The following HMG20B variants were observed in gnomAD, a reference collection of about 807,000 sequenced individuals.
The protein encoded by HMG20B is SWI/SNF-related matrix-associated actin-dependent regulator of chromatin subfamily E member 1-related.
Under a neutral mutation model 41.6 loss-of-function variants are expected in HMG20B, and 24 were observed. The observed-to-expected ratio is 0.58, with a 90% CI of 0.42 to 0.81. HMG20B has a LOEUF of 0.81. HMG20B is among the 30% of genes least tolerant of loss of function. The pLI is 0.00. For missense variants in HMG20B, 461 were observed against 444.0 expected, an observed-to-expected ratio of 1.04 and a Z score of -0.34; for synonymous variants, 251 against 186.6, an observed-to-expected ratio of 1.34 and a Z score of -2.81.
chr19:3,573,421 C>G (rs1284386327), intron 2 of HMG20B, 74 bp downstream of exon 2: 2 of 1,399,382 alleles, frequency 1.4e-6, no homozygotes, highest in Non-Finnish European at 9.5e-7. Flanking sequence ...ACCCCTGACC[C>G]AGTCCCTCCC....
At chr19:3,576,335 C>A (rs2032161758) in intron 6 of HMG20B, 28 bp downstream of exon 6, 1 of 1,609,050 alleles carries the variant, frequency 6.2e-7, no homozygotes, top group African/African-American at 1.3e-5. Flanking sequence ...TCTCAAAGCA[C>A]CTGGGGGAGA....
chr19:3,576,558 G>C lies in HMG20B; in HGVS notation c.525G>C (p.Gly175=). 5.6e-6 allele frequency: 9 copies of C among 1,613,072 alleles called. No individual in the cohort carries two copies. Among genetic ancestry groups the C allele is most frequent in the Non-Finnish European group, 7.6e-6 (9 of 1,179,458 alleles). ...MNTLLNGHKG[G]DCDGFSTFDV... is the part of the protein sequence containing the mutation. Reference sequence around the variant, plus strand: ...ACCTTGTCCCTTCGTCTTAGGGTGGGGACTGCGATGGCTTCTCCACCTTCG... The same window carrying C: ...ACCTTGTCCCTTCGTCTTAGGGTGGCGACTGCGATGGCTTCTCCACCTTCG... The change falls in exon 7 of 10, where the codon GGG becomes GGC. Residue 175 remains glycine, a synonymous_variant. Coordinates refer to ENST00000333651, the MANE Select transcript of HMG20B (RefSeq NM_006339.3).
At chr19:3,576,745 G>C (rs866198078) in intron 7 of HMG20B, 120 bp downstream of exon 7, 2 of 1,256,166 alleles carry the variant, frequency 1.6e-6, no homozygotes, top group Middle Eastern at 4.7e-4. Context: ...TGAGCGTCCA[G>C]GCGCACGCTG....
At chr19:3,577,945 C>A in intron 8 of HMG20B, 36 bp from the exon 9 acceptor site, 1 of 1,542,404 alleles carries the variant, frequency 6.5e-7, no homozygotes, top group Non-Finnish European at 8.7e-7. Context: ...CGCGACTCCC[C>A]GGCACCCTCG....
chr19:3,573,462 G>C (rs895012062), intron 2 of HMG20B, 115 bp downstream of exon 2: 3 of 1,175,806 alleles, frequency 2.6e-6, no homozygotes, highest in African/African-American at 1.6e-5. Context: ...ACCTGGGTCA[G>C]GGGGCTTCTC....
intron 7 of HMG20B, 101 bp from the exon 8 acceptor site, chr19:3,576,791 G>C (rs1422233475): frequency 5.2e-6 from 7 of 1,354,424 alleles, no homozygotes; most frequent in Non-Finnish European, 7.2e-6. Flanking sequence ...GGAGGCAGAG[G>C]GCGCAGTGAG....
chr19:3,575,942 TCAAAA>T (rs2032150641), intron 5 of HMG20B: 1 of 275,508 alleles, frequency 3.6e-6, no homozygotes, highest in African/African-American at 4.0e-5. Context: ...AGACTCCGTC[TCAAAA>T]AAAAAAAAAA....
Position 3,576,546 on chromosome 19 carries a change from G to T in HMG20B, c.520-7G>T. 1 of 1,612,058 alleles carries T rather than the reference G, an allele frequency of 6.2e-7. No individual in the cohort carries two copies. The highest frequency in any genetic ancestry group is 8.5e-7 in the Non-Finnish European group (1 of 1,178,868). ...CAGTAAATTGCCACCTTGTCCCTTC[G>T]TCTTAGGGTGGGGACTGCGATGGCT... On this transcript the variant is annotated splice_polypyrimidine_tract_variant and splice_region_variant and intron_variant, in intron 6 of 9. Transcript: ENST00000333651.
Position 3,578,578 on chromosome 19 carries a change from C to A in HMG20B, c.*57C>A. 6.4e-7 allele frequency: 1 copy of A among 1,551,536 alleles called. No homozygotes were observed. Among genetic ancestry groups the A allele is most frequent in the South Asian group, 1.2e-5 (1 of 84,130 alleles). On this transcript the variant is annotated 3_prime_UTR_variant, in exon 10 of 10. Transcript: ENST00000333651. Reference sequence around the variant, plus strand: ...GCTGTGGGCGCGGCCCTGCCACACCCCACCCCGTGGACGAGAGGCTGGGGG... The same window carrying A: ...GCTGTGGGCGCGGCCCTGCCACACCACACCCCGTGGACGAGAGGCTGGGGG...
chr19:3,573,449 C>T (rs928089105), intron 2 of HMG20B, 102 bp downstream of exon 2: 14 of 1,259,436 alleles, frequency 1.1e-5, no homozygotes, highest in African/African-American at 4.7e-5. Flanking sequence ...TCTTGACTCC[C>T]CCACCTGGGT....
chr19:3,576,333 C>T (rs1273333889), intron 6 of HMG20B, 26 bp downstream of exon 6: 7 of 1,609,654 alleles, frequency 4.3e-6, no homozygotes, highest in South Asian at 1.1e-5. Flanking sequence ...CCTCTCAAAG[C>T]ACCTGGGGGA....
In HMG20B at chr19:3,573,685, G is replaced by C; in HGVS notation, c.39-7G>C. 6.7e-7 allele frequency: 1 copy of C among 1,500,080 alleles called. No homozygotes were observed. Among genetic ancestry groups the C allele is most frequent in the Non-Finnish European group, 8.9e-7 (1 of 1,129,646 alleles). 92.9% of individuals were successfully genotyped at this position (1,500,080 alleles called of 1,614,324 possible). A position where few individuals can be genotyped will look rare whatever the true frequency, so the allele number is the denominator to read the frequency against. ...GACGGGGCTGACCGCGGTATCCTTG[G>C]CTCCAGGCCGGCGGGCGGCAAGGCT... On this transcript the variant is annotated splice_polypyrimidine_tract_variant and splice_region_variant and intron_variant, in intron 2 of 9. Transcript: ENST00000333651.
chr19:3,578,660 A>C lies in HMG20B; in HGVS notation c.*139A>C. The C allele has an allele frequency of 8.8e-7, 1 of 1,130,404 alleles. No individual in the cohort carries two copies. Among genetic ancestry groups the C allele is most frequent in the Non-Finnish European group, 1.3e-6 (1 of 765,398 alleles). The allele number at this position is 1,130,404 out of a possible 1,614,324, so 70.0% of individuals were successfully genotyped here. On this transcript the variant is annotated 3_prime_UTR_variant, in exon 10 of 10. Coordinates refer to ENST00000333651, the MANE Select transcript of HMG20B (RefSeq NM_006339.3). Reference sequence around the variant, plus strand: ...CCTTGGGGGCTCCAGCCCCCCTAAAATTAAATTTCTGCAGCATCCCTTTAG... The same window carrying C: ...CCTTGGGGGCTCCAGCCCCCCTAAACTTAAATTTCTGCAGCATCCCTTTAG...
chr19:3,577,850 C>T, intron 8 of HMG20B, 131 bp from the exon 9 acceptor site: 1 of 799,512 alleles, frequency 1.3e-6, no homozygotes, highest in East Asian at 2.8e-5. Context: ...CTGCGCCGCT[C>T]CTGCGCTGGC....
At chr19:3,577,840 C>T (rs1003771486) in intron 8 of HMG20B, 141 bp from the exon 9 acceptor site, 26 of 738,390 alleles carry the variant, frequency 3.5e-5, no homozygotes, top group African/African-American at 1.6e-4. Flanking sequence ...TTAGCCCACC[C>T]TGCGCCGCTC....
Sources: allele counts gnomAD v4.1 joint callset, GRCh38; gene constraint gnomAD v4.1.1; transcripts MANE v1.5; gene names NCBI Gene and HGNC (gene_info 2026-07-23, HGNC 2026-07-21).